ITIH2: variants seen among roughly 807,000 people sequenced by gnomAD.
ITIH2 encodes the protein inter-alpha-trypsin inhibitor heavy chain 2.
ITIH2 carries 103 observed loss-of-function variants against 104.4 expected under a neutral mutation model. The ratio of observed to expected loss-of-function variants is 0.99; its 90% CI spans 0.84 to 1.16. ITIH2 has a LOEUF of 1.16. Ranked by LOEUF, ITIH2 falls within the 50% of genes most tolerant of loss-of-function variation. ITIH2 has a pLI of 0.00. For missense variants in ITIH2, 1,108 were observed against 1,162.4 expected, an observed-to-expected ratio of 0.95 and a Z score of 0.68; for synonymous variants, 436 against 435.4, an observed-to-expected ratio of 1.00 and a Z score of -0.02.
At position 7,729,777 on chromosome 10, in the gene ITIH2, C is replaced by T. The variant is rs1834984293; in HGVS notation, c.1280-175C>T. The stretch of plus-strand genomic sequence containing the variant: ...TTGCTATGCAACACAACCCACACTT[C>T]ATTTCAACATGTACGAGTGCATCTC... On this transcript the variant is annotated intron_variant, in intron 11 of 20. Transcript: ENST00000358415. 8.0e-6 allele frequency: 4 copies of T among 497,696 alleles called. No individual in the cohort carries two copies. The East Asian group carries it at 1.2e-4, about 15-fold the overall frequency. The allele number at this position is 497,696 out of a possible 1,614,324, so 30.8% of individuals were successfully genotyped here. A position where few individuals can be genotyped will look rare whatever the true frequency, so the allele number is the denominator to read the frequency against.
At chr10:7,739,189 G>T (rs930747132) in intron 16 of ITIH2, among the ~76,000 whole-genome samples, 1 of 152,180 alleles carries the variant, frequency 6.6e-6, no homozygotes, top group African/African-American at 2.4e-5. Flanking sequence ...CTGCCCCGGG[G>T]AAATGGGAGG....
intron 2 of ITIH2, among the ~76,000 whole-genome samples, chr10:7,705,836 C>G (rs1007317382): frequency 1.3e-5 from 2 of 152,186 alleles, no homozygotes; most frequent in Non-Finnish European, 2.9e-5. Flanking sequence ...CAGACACTCC[C>G]CCTTGCAGCC....
intron 19 of ITIH2, 101 bp from the exon 20 acceptor site, chr10:7,746,479 TTCCACCCTAGAAA>T (rs1208549921): frequency 3.6e-5 from 25 of 692,588 alleles, no homozygotes; most frequent in Non-Finnish European, 5.8e-5. Flanking sequence ...CAGCTTGTCT[TTCCACCCTAGAAA>T]TCCTGGAGGG....
At chr10:7,722,270 A>G (rs6602268) in intron 8 of ITIH2, among the ~76,000 whole-genome samples, 11,074 of 152,038 alleles carry the variant, frequency 0.073, 557 homozygotes, top group African/African-American at 0.14. Flanking sequence ...GAGGACTCTT[A>G]GAACGTACGC....
intron 9 of ITIH2, among the ~76,000 whole-genome samples, chr10:7,724,996 T>A (rs1834939447): frequency 6.6e-6 from 1 of 152,010 alleles, no homozygotes; most frequent in Non-Finnish European, 1.5e-5. Context: ...TTAGTTCATC[T>A]ATGAGCAAAA....
At chr10:7,717,160 G>T (rs1834858152) in intron 5 of ITIH2, among the ~76,000 whole-genome samples, 1 of 151,998 alleles carries the variant, frequency 6.6e-6, no homozygotes, top group Non-Finnish European at 1.5e-5. Context: ...CACCATGTTG[G>T]CCAGGCTGGT....
rs1167008586 is a variant in ITIH2, at chr10:7,704,922, G to C, written c.85-186G>C. On this transcript the variant is annotated intron_variant, in intron 1 of 20. Transcript: ENST00000358415. ...AACATCACACACTGGGGCCTGTCAG[G>C]GGGTGGGGGGCTAGGGGAGGGATAG... 2.6e-5 allele frequency among the ~76,000 whole-genome samples: 4 copies of C among 151,408 alleles called. No individual in the cohort carries two copies. The East Asian group carries it at 7.8e-4, about 29-fold the overall frequency.
chr10:7,737,449 CAGAT>C (rs1296532715), intron 15 of ITIH2, among the ~76,000 whole-genome samples: 2 of 125,330 alleles, frequency 1.6e-5, no homozygotes, highest in Non-Finnish European at 3.2e-5. Context: ...ATATATATAA[CAGAT>C]AACGTATAAT....
intron 5 of ITIH2, among the ~76,000 whole-genome samples, chr10:7,716,721 G>A (rs1429024752): frequency 1.4e-5 from 2 of 139,392 alleles, no homozygotes; most frequent in African/African-American, 2.8e-5. Flanking sequence ...GGGCAGCAGA[G>A]CGAGACCCCA....
intron 9 of ITIH2, among the ~76,000 whole-genome samples, chr10:7,724,508 TG>T (rs1450445787): frequency 2.3e-5 from 3 of 132,444 alleles, no homozygotes; most frequent in African/African-American, 5.8e-5. Context: ...AAGCGGGAGT[TG>T]CAGCGAGCAG....
chr10:7,714,919 G>A (rs1418272730), intron 5 of ITIH2, among the ~76,000 whole-genome samples: 7 of 152,152 alleles, frequency 4.6e-5, no homozygotes, highest in African/African-American at 1.2e-4. Context: ...CTGTGGATAC[G>A]GAGGGTCCAC....
In ITIH2 at chr10:7,724,775, A is replaced by G. The variant is rs139897778; in HGVS notation, c.984+1208A>G. Among the ~76,000 whole-genome samples the G allele has an allele frequency of 5.7e-4, 87 of 152,066 alleles. 1 individual carries two copies. Among genetic ancestry groups the G allele is most frequent in the Middle Eastern group, 3.4e-3 (1 of 294 alleles). On this transcript the variant is annotated intron_variant, in intron 9 of 20. Coordinates refer to ENST00000358415, the MANE Select transcript of ITIH2 (RefSeq NM_002216.3). ...TGCAGGATACTTAGCAGCATGGTCT[A>G]TGGTCTATTTGCTAAATTTTGGTAG...
Position 7,729,665 on chromosome 10 carries a change from C to T in ITIH2, c.1280-287C>T, listed in dbSNP as rs560201474. ...TTTTTAATAGCTGCATAGTATCTCA[C>T]GGTTTAAATGTATCATCATCTAACC... On this transcript the variant is annotated intron_variant, in intron 11 of 20. Transcript: ENST00000358415. 1.1e-4 allele frequency among the ~76,000 whole-genome samples: 17 copies of T among 152,146 alleles called. No homozygotes were observed. The South Asian group carries it at 2.5e-3, about 22-fold the overall frequency.
intron 5 of ITIH2, among the ~76,000 whole-genome samples, chr10:7,714,960 G>A (rs1015979344): frequency 2.0e-5 from 3 of 152,100 alleles, no homozygotes; most frequent in African/African-American, 7.2e-5. Context: ...CAGTGACTTG[G>A]GCATCGCCGG....
intron 19 of ITIH2, among the ~76,000 whole-genome samples, chr10:7,745,422 G>A (rs535790885): frequency 1.3e-5 from 2 of 152,024 alleles, no homozygotes; most frequent in East Asian, 3.9e-4. Flanking sequence ...CAGGGTGCTC[G>A]ATTTACTTAC....
intron 14 of ITIH2, among the ~76,000 whole-genome samples, chr10:7,734,484 CAA>C (rs2130957673): frequency 6.6e-6 from 1 of 152,156 alleles, no homozygotes; most frequent in Admixed American, 6.5e-5. Flanking sequence ...CGCTTGAGTC[CAA>C]GAGTTTGAGA....
At chr10:7,718,337 C>A (rs1355705791) in intron 6 of ITIH2, among the ~76,000 whole-genome samples, 1 of 152,100 alleles carries the variant, frequency 6.6e-6, no homozygotes, top group Non-Finnish European at 1.5e-5. Context: ...AACTCAAGAT[C>A]CTTAATTGCA....
chr10:7,703,646 C>A, intron 1 of ITIH2, 128 bp downstream of exon 1: 1 of 644,564 alleles, frequency 1.6e-6, no homozygotes, highest in Non-Finnish European at 2.8e-6. Context: ...CATCTGAGTG[C>A]AAGTGTTTAC....
intron 15 of ITIH2, among the ~76,000 whole-genome samples, chr10:7,737,753 C>T (rs28631838): frequency 7.7e-5 from 1 of 13,024 alleles, no homozygotes; most frequent in African/African-American, 3.7e-4. Context: ...ATATAATATT[C>T]TATATTATAT....
Sources: allele counts gnomAD v4.1 joint callset (sites outside exome capture counted in the v4.1 genomes callset), GRCh38; gene constraint gnomAD v4.1.1; transcripts MANE v1.5; gene names NCBI Gene and HGNC (gene_info 2026-07-23, HGNC 2026-07-21).